VSTM2B: variants seen among roughly 807,000 people sequenced by gnomAD.
VSTM2B encodes the protein V-set and transmembrane domain-containing protein 2B.
VSTM2B carries 24 observed loss-of-function variants against 24.0 expected under a neutral mutation model. The ratio of observed to expected loss-of-function variants is 1.00; its 90% CI spans 0.72 to 1.40. The LOEUF (loss-of-function observed/expected upper bound fraction) is 1.40. Ranked by LOEUF, VSTM2B falls within the 40% of genes most tolerant of loss-of-function variation. The pLI, the probability that VSTM2B is intolerant of heterozygous loss-of-function variation, is 0.00. For synonymous variants in VSTM2B, 226 were observed against 194.4 expected (o/e 1.16, Z -1.35); for missense variants, 399 against 416.4 (o/e 0.96, Z 0.36).
In VSTM2B at chr19:29,526,759, C is replaced by A; in HGVS notation, c.82+94C>A. The A allele has an allele frequency of 8.2e-7, 1 of 1,215,648 alleles. No homozygotes were observed. Among genetic ancestry groups the A allele is most frequent in the Non-Finnish European group, 1.1e-6 (1 of 876,788 alleles). The allele number at this position is 1,215,648 out of a possible 1,614,324, so 75.3% of individuals were successfully genotyped here. A position where few individuals can be genotyped will look rare whatever the true frequency, so the allele number is the denominator to read the frequency against. ...AGAAGAAAGAGAACGAACCGGGAAG[C>A]TTCGCGGTCTCCAGCAATCCCGCTG... On this transcript the variant is annotated intron_variant, in intron 1 of 4. Coordinates refer to ENST00000335523, the MANE Select transcript of VSTM2B (RefSeq NM_001146339.2). This position sits in a 1 kb window ranked among gnomAD's most constrained non-coding sequence, Gnocchi z 4.1.
intron 4 of VSTM2B, among the ~76,000 whole-genome samples, chr19:29,559,564 C>T (rs1383567893): frequency 6.6e-6 from 1 of 152,118 alleles, no homozygotes; most frequent in African/African-American, 2.4e-5. Context: ...ACCTATGTAA[C>T]AAAGCTGCAT....
In VSTM2B at chr19:29,535,172, G is replaced by T. The variant is rs1274306272; in HGVS notation, c.769+4882G>T. On this transcript the variant is annotated intron_variant, in intron 4 of 4. Transcript: ENST00000335523. ...CGTCTTAGCTGTGTTCATAAATCTG[G>T]CTCCTAATTAATCTGAATGCTGACC... is the stretch of plus-strand genomic sequence containing the variant. 2.0e-5 allele frequency among the ~76,000 whole-genome samples: 3 copies of T among 152,170 alleles called. No homozygotes were observed. The East Asian group carries it at 5.8e-4, about 29-fold the overall frequency.
At chr19:29,531,525 G>T (rs899435733) in intron 4 of VSTM2B, among the ~76,000 whole-genome samples, 1 of 152,210 alleles carries the variant, frequency 6.6e-6, no homozygotes, top group Non-Finnish European at 1.5e-5. Flanking sequence ...CCCTCCGACA[G>T]TTGAGCCTGC....
intron 4 of VSTM2B, among the ~76,000 whole-genome samples, chr19:29,548,404 C>T (rs1970198799): frequency 6.6e-6 from 1 of 152,168 alleles, no homozygotes; most frequent in African/African-American, 2.4e-5. Context: ...CTTTAAAGCC[C>T]AACTGCATCA....
In VSTM2B at chr19:29,526,691, T is replaced by G. The variant is rs147811567; in HGVS notation, c.82+26T>G. On this transcript the variant is annotated intron_variant, in intron 1 of 4. Coordinates refer to ENST00000335523, the MANE Select transcript of VSTM2B (RefSeq NM_001146339.2). The surrounding 1 kb of genome is among the most constrained non-coding windows in gnomAD (Gnocchi z 4.1). ...GTGAGCGCGGGAACTTTGCTGCCGC[T>G]GTGGACTCGGGGGGGTCTTTGCTGG... 1.3e-6 allele frequency: 2 copies of G among 1,520,700 alleles called. No homozygotes were observed. The highest frequency in any genetic ancestry group is 8.8e-7 in the Non-Finnish European group (1 of 1,138,086). The allele number at this position is 1,520,700 out of a possible 1,614,324, so 94.2% of individuals were successfully genotyped here. A position where few individuals can be genotyped will look rare whatever the true frequency, so the allele number is the denominator to read the frequency against.
intron 4 of VSTM2B, among the ~76,000 whole-genome samples, chr19:29,546,677 C>CT (rs1189401197): frequency 6.7e-6 from 1 of 150,098 alleles, no homozygotes; most frequent in Non-Finnish European, 1.5e-5. Flanking sequence ...GGAGCCCCCA[C>CT]CCCCACCCCG....
chr19:29,563,767 C>T (rs1970586110), intron 4 of VSTM2B, 79 bp from the exon 5 acceptor site: 1 of 1,330,750 alleles, frequency 7.5e-7, no homozygotes, highest in Non-Finnish European at 1.1e-6. Context: ...GGGGAAGCCT[C>T]ACTGTTCCTG....
intron 4 of VSTM2B, among the ~76,000 whole-genome samples, chr19:29,553,263 T>C (rs1454008056): frequency 1.3e-5 from 2 of 152,296 alleles, no homozygotes; most frequent in Non-Finnish European, 2.9e-5. Context: ...ATCTTTGCTG[T>C]TCTGTAGCCT....
At chr19:29,543,898 A>G (rs940975211) in intron 4 of VSTM2B, among the ~76,000 whole-genome samples, 3 of 152,246 alleles carry the variant, frequency 2.0e-5, no homozygotes, top group Admixed American at 2.0e-4. Context: ...CCAGAGTTTC[A>G]GATCTGGAAG....
rs149675184 is a variant in VSTM2B, at chr19:29,554,941, C to T, written c.770-8905C>T. On this transcript the variant is annotated intron_variant, in intron 4 of 4. Coordinates refer to ENST00000335523, the MANE Select transcript of VSTM2B (RefSeq NM_001146339.2). ...AAGTTCTTAGAGACCTACAAAGAGA[C>T]TTAGACTCCCACACAATAATAGTGG... Among the ~76,000 whole-genome samples the T allele has an allele frequency of 5.1e-3, 772 of 152,300 alleles. 6 individuals are homozygous for T. The highest frequency in any genetic ancestry group is 0.018 in the African/African-American group (748 of 41,546).
intron 4 of VSTM2B, among the ~76,000 whole-genome samples, chr19:29,550,208 A>G (rs568990121): frequency 1.5e-4 from 23 of 152,344 alleles, no homozygotes; most frequent in African/African-American, 5.5e-4. Context: ...CCAAGGCGGG[A>G]GGATCACTTG....
At chr19:29,533,694 CA>C (rs1465333766) in intron 4 of VSTM2B, among the ~76,000 whole-genome samples, 1 of 152,232 alleles carries the variant, frequency 6.6e-6, no homozygotes. Context: ...CCCGGTCACC[CA>C]AGGCCACCCA....
chr19:29,555,909 G>T (rs1970395398), intron 4 of VSTM2B, among the ~76,000 whole-genome samples: 1 of 152,100 alleles, frequency 6.6e-6, no homozygotes, highest in Non-Finnish European at 1.5e-5. Context: ...AATTGAGGCA[G>T]TAATAAATAG....
intron 4 of VSTM2B, among the ~76,000 whole-genome samples, chr19:29,559,659 T>G (rs10416935): frequency 0.24 from 35,985 of 152,146 alleles, 5,840 homozygotes; most frequent in African/African-American, 0.46. Flanking sequence ...TTGCCTTGCT[T>G]GTTCTAGCTT....
At chr19:29,545,146 A>T (rs1970121148) in intron 4 of VSTM2B, among the ~76,000 whole-genome samples, 1 of 151,984 alleles carries the variant, frequency 6.6e-6, no homozygotes, top group Non-Finnish European at 1.5e-5. Flanking sequence ...GGAGGACGGA[A>T]ATGAGTGAAT....
At chr19:29,553,885 A>G (rs1970345321) in intron 4 of VSTM2B, among the ~76,000 whole-genome samples, 1 of 152,226 alleles carries the variant, frequency 6.6e-6, no homozygotes, top group Admixed American at 6.5e-5. Context: ...AAAAGAATGA[A>G]AAGGAATGAA....
In VSTM2B at chr19:29,526,539, C is replaced by T; in HGVS notation, c.-45C>T. On this transcript the variant is annotated 5_prime_UTR_variant, in exon 1 of 5. Coordinates refer to ENST00000335523, the MANE Select transcript of VSTM2B (RefSeq NM_001146339.2). The surrounding 1 kb of genome is among the most constrained non-coding windows in gnomAD (Gnocchi z 4.1). ...CGATCCGAGCCCACGCGGCCGCCGC[C>T]TCTCCGCTCCCGGGCCCCCGCCGCC... The T allele has an allele frequency of 6.8e-7, 1 of 1,465,666 alleles. No homozygotes were observed. Among genetic ancestry groups the T allele is most frequent in the South Asian group, 1.3e-5 (1 of 78,988 alleles). The allele number at this position is 1,465,666 out of a possible 1,614,324, so 90.8% of individuals were successfully genotyped here. A position where few individuals can be genotyped will look rare whatever the true frequency, so the allele number is the denominator to read the frequency against.
chr19:29,562,767 G>C (rs578097673), intron 4 of VSTM2B, among the ~76,000 whole-genome samples: 3 of 152,186 alleles, frequency 2.0e-5, no homozygotes, highest in African/African-American at 4.8e-5. Context: ...CCAGTTGCAC[G>C]GGAGGCCTTA....
At chr19:29,560,121 C>G (rs1970493355) in intron 4 of VSTM2B, among the ~76,000 whole-genome samples, 1 of 152,176 alleles carries the variant, frequency 6.6e-6, no homozygotes, top group Non-Finnish European at 1.5e-5. Flanking sequence ...GAGGGCAAAC[C>G]TCAATGCACA....
Sources: gnomAD v4.1 joint callset for allele counts (sites outside exome capture counted in the v4.1 genomes callset) on GRCh38, gnomAD v4.1.1 for gene constraint, Gnocchi (gnomAD v3.1) non-coding constraint, MANE v1.5 for transcripts, NCBI Gene and HGNC (gene_info 2026-07-23, HGNC 2026-07-21) for gene names.